The following SKAP1 variants were observed in gnomAD, a reference collection of about 807,000 sequenced individuals.
The protein encoded by SKAP1 is src kinase-associated phosphoprotein 1.
SKAP1 carries 44 observed loss-of-function variants against 58.5 expected under a neutral mutation model. The ratio of observed to expected loss-of-function variants is 0.75; its 90% CI spans 0.59 to 0.97. The LOEUF (loss-of-function observed/expected upper bound fraction) is 0.97. Among genes scored for constraint, SKAP1 ranks in the 50% least tolerant of loss-of-function variants. SKAP1 has a pLI of 0.00. For missense variants in SKAP1, 390 were observed against 435.2 expected (o/e 0.90, Z 0.92); for synonymous variants, 127 against 149.7 (o/e 0.85, Z 1.11).
At chr17:48,140,782 T>C (rs867245392) in intron 11 of SKAP1, among the ~76,000 whole-genome samples, 3,799 of 150,240 alleles carry the variant, frequency 0.025, 142 homozygotes, top group African/African-American at 0.085. Context: ...CTTCTTCTTT[T>C]TTTTTTTTTT....
At chr17:48,153,800 C>T (rs2063934463) in intron 11 of SKAP1, among the ~76,000 whole-genome samples, 2 of 151,420 alleles carry the variant, frequency 1.3e-5, no homozygotes, top group Non-Finnish European at 2.9e-5. Flanking sequence ...CCACCCATCC[C>T]CCACTCAGCC....
chr17:48,205,018 T>C, intron 4 of SKAP1, among the ~76,000 whole-genome samples: 1 of 32,850 alleles, frequency 3.0e-5, no homozygotes, highest in Non-Finnish European at 5.7e-5. Context: ...TCTTTCTTTT[T>C]CTTTCTTTCT....
At chr17:48,138,849 A>G (rs2063734752) in intron 11 of SKAP1, among the ~76,000 whole-genome samples, 1 of 151,284 alleles carries the variant, frequency 6.6e-6, no homozygotes, top group Admixed American at 6.6e-5. Context: ...GCACCAGAAA[A>G]TGTTTTCTTT....
intron 4 of SKAP1, among the ~76,000 whole-genome samples, chr17:48,274,690 CCTT>C (rs746154431): frequency 2.6e-4 from 38 of 144,904 alleles, no homozygotes; most frequent in Non-Finnish European, 5.5e-4. Context: ...GAGTGAAACT[CCTT>C]CTCAAAAAAA....
chr17:48,156,464 G>A (rs377012273), intron 11 of SKAP1: 3 of 530,584 alleles, frequency 5.7e-6, no homozygotes, highest in Non-Finnish European at 1.2e-5. Flanking sequence ...ACTGAAGAGC[G>A]CTAAACACCC....
chr17:48,285,243 G>C (rs2065815141), intron 4 of SKAP1, among the ~76,000 whole-genome samples: 1 of 152,332 alleles, frequency 6.6e-6, no homozygotes, highest in Non-Finnish European at 1.5e-5. Flanking sequence ...TTCTAGTAAA[G>C]GAGCAGAAAG....
At chr17:48,244,306 CT>C (rs2065272434) in intron 4 of SKAP1, among the ~76,000 whole-genome samples, 3 of 152,126 alleles carry the variant, frequency 2.0e-5, no homozygotes, top group African/African-American at 7.2e-5. Flanking sequence ...TCCTTTGCCC[CT>C]AAACAAAGGG....
intron 4 of SKAP1, among the ~76,000 whole-genome samples, chr17:48,278,184 T>C (rs1411876148): frequency 6.6e-6 from 1 of 152,230 alleles, no homozygotes; most frequent in Non-Finnish European, 1.5e-5. Context: ...TGTTACATTT[T>C]ACCATAATCA....
chr17:48,379,682 CTTT>C (rs397856911), intron 2 of SKAP1, among the ~76,000 whole-genome samples: 6 of 124,022 alleles, frequency 4.8e-5, no homozygotes, highest in Admixed American at 8.4e-5. Context: ...GTATCTTCTT[CTTT>C]TTTTTTTTTT....
At chr17:48,389,356 C>G (rs1001249387) in intron 2 of SKAP1, among the ~76,000 whole-genome samples, 1 of 152,234 alleles carries the variant, frequency 6.6e-6, no homozygotes, top group South Asian at 2.1e-4. Flanking sequence ...CCCTTCGAAG[C>G]CCAAAGAATC....
At chr17:48,185,052 A>G in intron 6 of SKAP1, 2 of 520,676 alleles carry the variant, frequency 3.8e-6, no homozygotes, top group Non-Finnish European at 6.7e-6. Context: ...GGGAAATGCA[A>G]CGTGAAAGGT....
intron 4 of SKAP1, chr17:48,193,873 A>G (rs1370353219): frequency 3.1e-6 from 1 of 321,336 alleles, no homozygotes; most frequent in African/African-American, 2.3e-5. Flanking sequence ...AAGAAGTTGC[A>G]AACAATTGTA....
At chr17:48,244,333 G>A (rs925464406) in intron 4 of SKAP1, among the ~76,000 whole-genome samples, 2 of 152,082 alleles carry the variant, frequency 1.3e-5, no homozygotes, top group African/African-American at 4.8e-5. Flanking sequence ...CAGTGTGTTC[G>A]GTGGGAACAT....
chr17:48,160,620 C>T (rs2064055642), intron 11 of SKAP1, among the ~76,000 whole-genome samples: 1 of 152,158 alleles, frequency 6.6e-6, no homozygotes, highest in Non-Finnish European at 1.5e-5. Context: ...AAGGGACCCC[C>T]AGTGAGAAGC....
At chr17:48,371,440 T>G (rs2067084308) in intron 2 of SKAP1, among the ~76,000 whole-genome samples, 1 of 151,892 alleles carries the variant, frequency 6.6e-6, no homozygotes, top group Non-Finnish European at 1.5e-5. Flanking sequence ...ATTAAAGTAC[T>G]CAGAGCTTTA....
In SKAP1 at chr17:48,224,101, G is replaced by GAGGAGGAGGAGA. The variant is rs1598442518; in HGVS notation, c.281-34602_281-34601insTCTCCTCCTCCT. Among the ~76,000 whole-genome samples, 8 of 146,684 alleles carry GAGGAGGAGGAGA rather than the reference G, an allele frequency of 5.5e-5. No homozygotes were observed. In the East Asian group the frequency reaches 8.2e-4, roughly 15 times the overall value. ...GGAGGAGGAGGAAGAGGAGGAGGAGGAGGAGGAGGAGGAACTTTCCAGAAA... is the reference window on the plus strand; with the variant it reads ...GGAGGAGGAGGAAGAGGAGGAGGAGGAGGAGGAGGAGAAGGAGGAGGAGGAACTTTCCAGAAA... On this transcript the variant is annotated intron_variant, in intron 4 of 12. Coordinates refer to ENST00000336915, the MANE Select transcript of SKAP1 (RefSeq NM_003726.4).
chr17:48,176,332 C>T (rs538033646), intron 9 of SKAP1, among the ~76,000 whole-genome samples: 9 of 152,302 alleles, frequency 5.9e-5, no homozygotes, highest in South Asian at 2.1e-4. Flanking sequence ...TGGTCTCAGA[C>T]GTCTTGCTGG....
intron 4 of SKAP1, among the ~76,000 whole-genome samples, chr17:48,306,535 T>G (rs750413323): frequency 2.6e-5 from 4 of 152,216 alleles, no homozygotes; most frequent in Non-Finnish European, 5.9e-5. Context: ...AGTTTTTCTC[T>G]TTCTAAATAA....
intron 1 of SKAP1, among the ~76,000 whole-genome samples, chr17:48,406,180 G>A (rs571587645): frequency 1.3e-4 from 19 of 151,718 alleles, no homozygotes; most frequent in African/African-American, 3.4e-4. Context: ...CAGGAGAATC[G>A]CTTGAACCTG....
Sources: gnomAD v4.1 joint callset for allele counts (sites outside exome capture counted in the v4.1 genomes callset) on GRCh38, gnomAD v4.1.1 for gene constraint, MANE v1.5 for transcripts, NCBI Gene and HGNC (gene_info 2026-07-23, HGNC 2026-07-21) for gene names.